The following SNTB1 variants were observed in gnomAD, a reference collection of about 807,000 sequenced individuals.
SNTB1 encodes the protein syntrophin beta 1.
SNTB1 carries 36 observed loss-of-function variants against 48.9 expected under a neutral mutation model. The ratio of observed to expected loss-of-function variants is 0.74; its 90% CI spans 0.56 to 0.97. The LOEUF (loss-of-function observed/expected upper bound fraction) is 0.97, where lower values mean the gene tolerates loss of function less well. SNTB1 is among the 50% of genes least tolerant of loss of function. SNTB1 has a pLI of 0.00. For synonymous variants in SNTB1, 299 were observed against 294.6 expected (o/e 1.01, Z -0.15); for missense variants, 786 against 703.4 (o/e 1.12, Z -1.33).
At chr8:120,654,070 A>AAAAAAAC in intron 2 of SNTB1, among the ~76,000 whole-genome samples, 1 of 148,020 alleles carries the variant, frequency 6.8e-6, no homozygotes, top group Non-Finnish European at 1.5e-5. Flanking sequence ...AAAAAAAAAA[A>AAAAAAAC]AGTTGTCTTC....
chr8:120,779,363 C>T (rs552618611), intron 1 of SNTB1, among the ~76,000 whole-genome samples: 6 of 152,094 alleles, frequency 3.9e-5, no homozygotes, highest in African/African-American at 1.2e-4. Context: ...ATTAGCTGAG[C>T]GTGGTGTTGT....
chr8:120,811,192 A>G, intron 1 of SNTB1, 81 bp downstream of exon 1: 1 of 1,492,158 alleles, frequency 6.7e-7, no homozygotes, highest in Non-Finnish European at 8.9e-7. Context: ...TGGCCGAGTG[A>G]GTGTGAGTGT....
intron 2 of SNTB1, among the ~76,000 whole-genome samples, chr8:120,691,891 A>C (rs1330397812): frequency 6.6e-6 from 1 of 152,204 alleles, no homozygotes; most frequent in African/African-American, 2.4e-5. Context: ...ACATCAGATC[A>C]TTGGGAGATG....
chr8:120,575,117 G>A lies in SNTB1; in HGVS notation c.1105C>T (p.Pro369Ser), dbSNP rs747342268. The change falls in exon 4 of 7, where the codon CCA becomes TCA. Residue 369 changes from proline to serine, a missense_variant. Coordinates refer to ENST00000517992, the MANE Select transcript of SNTB1 (RefSeq NM_021021.4). Reference protein sequence around the residue: ...MPRRKEAWFSPVHTYPLLATR... With the variant: ...MPRRKEAWFSSVHTYPLLATR... ...GCAAGAAGAGGGTATGTGTGAACTGGGCTGAACCAGGCTTCCTTCCTCCGT... is the reference window on the plus strand; with the variant it reads ...GCAAGAAGAGGGTATGTGTGAACTGAGCTGAACCAGGCTTCCTTCCTCCGT... 1.2e-6 allele frequency: 2 copies of A among 1,614,140 alleles called. No homozygotes were observed. The highest frequency in any genetic ancestry group is 1.7e-6 in the Non-Finnish European group (2 of 1,180,020).
chr8:120,770,232 A>G (rs1274999683), intron 1 of SNTB1, among the ~76,000 whole-genome samples: 1 of 152,138 alleles, frequency 6.6e-6, no homozygotes, highest in East Asian at 1.9e-4. Flanking sequence ...TTTCCTCCCA[A>G]CAAATATTGA....
intron 4 of SNTB1, among the ~76,000 whole-genome samples, chr8:120,555,853 T>C (rs999830450): frequency 6.6e-6 from 1 of 152,118 alleles, no homozygotes; most frequent in African/African-American, 2.4e-5. Flanking sequence ...CCCCCTCCCG[T>C]GCACTCACAG....
intron 1 of SNTB1, among the ~76,000 whole-genome samples, chr8:120,770,133 A>C (rs1371565097): frequency 6.6e-6 from 1 of 152,200 alleles, no homozygotes; most frequent in Non-Finnish European, 1.5e-5. Context: ...CTACCAGTTT[A>C]TGCTGATAGC....
chr8:120,563,343 A>G (rs1334135850), intron 4 of SNTB1, among the ~76,000 whole-genome samples: 2 of 151,872 alleles, frequency 1.3e-5, no homozygotes, highest in Non-Finnish European at 2.9e-5. Flanking sequence ...TAAGCAAAAA[A>G]TGTTCTCCCA....
At chr8:120,572,252 C>T (rs1347215145) in intron 4 of SNTB1, among the ~76,000 whole-genome samples, 1 of 152,208 alleles carries the variant, frequency 6.6e-6, no homozygotes, top group Non-Finnish European at 1.5e-5. Flanking sequence ...TGCTCCAAAA[C>T]CTCTGTCCAC....
intron 1 of SNTB1, among the ~76,000 whole-genome samples, chr8:120,786,906 G>A (rs1819931752): frequency 1.3e-5 from 2 of 152,174 alleles, no homozygotes. Flanking sequence ...CCACTCGCCT[G>A]AAGCCTGAAC....
At chr8:120,625,677 A>C (rs1456230692) in intron 3 of SNTB1, among the ~76,000 whole-genome samples, 1 of 152,336 alleles carries the variant, frequency 6.6e-6, no homozygotes, top group South Asian at 2.1e-4. Context: ...GTCTTGCTCC[A>C]TCTCAGAGGT....
chr8:120,601,538 C>A (rs1287652642), intron 3 of SNTB1, among the ~76,000 whole-genome samples: 3 of 152,120 alleles, frequency 2.0e-5, no homozygotes, highest in African/African-American at 7.2e-5. Flanking sequence ...TTTTAAAGTC[C>A]TTTACAAAAC....
At chr8:120,794,530 G>C (rs1423736933) in intron 1 of SNTB1, among the ~76,000 whole-genome samples, 1 of 151,916 alleles carries the variant, frequency 6.6e-6, no homozygotes, top group East Asian at 1.9e-4. Context: ...TATGTACTAT[G>C]AGGTGCAAGG....
At chr8:120,646,977 T>A (rs1361019611) in intron 2 of SNTB1, among the ~76,000 whole-genome samples, 1 of 151,966 alleles carries the variant, frequency 6.6e-6, no homozygotes, top group Non-Finnish European at 1.5e-5. Flanking sequence ...TATTCTCTGA[T>A]GGTAGCTTGT....
chr8:120,761,544 C>T (rs1819420238), intron 1 of SNTB1, among the ~76,000 whole-genome samples: 1 of 152,140 alleles, frequency 6.6e-6, no homozygotes, highest in Admixed American at 6.5e-5. Context: ...ACATACCTAA[C>T]CACAGTTCTT....
chr8:120,663,083 C>T (rs1016840457), intron 2 of SNTB1, among the ~76,000 whole-genome samples: 6 of 151,900 alleles, frequency 3.9e-5, no homozygotes, highest in Non-Finnish European at 8.8e-5. Flanking sequence ...CTAGGAGAGG[C>T]CGCATAGCAC....
chr8:120,710,912 T>C (rs1054898937), intron 1 of SNTB1, among the ~76,000 whole-genome samples: 1 of 152,328 alleles, frequency 6.6e-6, no homozygotes, highest in African/African-American at 2.4e-5. Context: ...ACACACATTC[T>C]GAAATGTGTT....
At chr8:120,574,745 G>A (rs192481927) in intron 4 of SNTB1, among the ~76,000 whole-genome samples, 1 of 152,238 alleles carries the variant, frequency 6.6e-6, no homozygotes, top group East Asian at 1.9e-4. Context: ...CCCTTGCTTG[G>A]TGATTCTACT....
At chr8:120,780,247 T>C (rs1004630496) in intron 1 of SNTB1, among the ~76,000 whole-genome samples, 2 of 152,198 alleles carry the variant, frequency 1.3e-5, no homozygotes, top group East Asian at 3.9e-4. Context: ...CACCACCAAA[T>C]TGGCTTGCCT....
Sources: gnomAD v4.1 joint callset for allele counts (sites outside exome capture counted in the v4.1 genomes callset) on GRCh38, gnomAD v4.1.1 for gene constraint, MANE v1.5 for transcripts, NCBI Gene and HGNC (gene_info 2026-07-23, HGNC 2026-07-21) for gene names.